The following FBXL13 variants were observed in gnomAD, a reference collection of about 807,000 sequenced individuals.
The protein encoded by FBXL13 is F-box and leucine-rich repeat protein 13.
A neutral mutation model predicts 83.6 loss-of-function variants in FBXL13; 67 were observed. The observed-to-expected ratio is 0.80, with a 90% CI of 0.66 to 0.98. The LOEUF (loss-of-function observed/expected upper bound fraction) is 0.98. FBXL13 is among the 50% of genes least tolerant of loss of function. The pLI is 0.00. For missense variants in FBXL13, 822 were observed against 866.5 expected (o/e 0.95, Z 0.64); for synonymous variants, 272 against 299.5 (o/e 0.91, Z 0.95).
In FBXL13 at chr7:103,064,216, T is replaced by A. The variant is rs926986472; in HGVS notation, c.-104-8469A>T. Among the ~76,000 whole-genome samples, 5 of 152,194 alleles carry A rather than the reference T, an allele frequency of 3.3e-5. No homozygotes were observed. In the South Asian group the frequency reaches 1.0e-3, roughly 32 times the overall value. ...TTGGATTACATATTGCCCTCCCCCA[T>A]GACCCTATACCTTCTGCCTCCCTGT... On this transcript the variant is annotated intron_variant, in intron 1 of 19. Coordinates refer to ENST00000313221, the Ensembl canonical transcript of FBXL13.
At chr7:102,854,297 C>T (rs1352026391) in intron 17 of FBXL13, among the ~76,000 whole-genome samples, 1 of 151,942 alleles carries the variant, frequency 6.6e-6, no homozygotes, top group African/African-American at 2.4e-5. Flanking sequence ...CGCATATTCT[C>T]ACTCATAGGT....
chr7:102,950,738 G>A (rs980486695), intron 8 of FBXL13, among the ~76,000 whole-genome samples: 7 of 152,128 alleles, frequency 4.6e-5, no homozygotes, highest in Non-Finnish European at 7.3e-5. Flanking sequence ...ATTAATAAGT[G>A]AAGGAAGCCC....
intron 16 of FBXL13, among the ~76,000 whole-genome samples, chr7:102,864,071 C>G (rs370752971): frequency 6.6e-6 from 1 of 152,220 alleles, no homozygotes; most frequent in East Asian, 1.9e-4. Context: ...CTGTCCTGCT[C>G]TCCTACTCAG....
At chr7:102,963,428 C>G (rs879518575) in intron 8 of FBXL13, 105 bp downstream of exon 9, 3 of 1,373,138 alleles carry the variant, frequency 2.2e-6, no homozygotes, top group Non-Finnish European at 3.0e-6. Flanking sequence ...ATCCTTATGA[C>G]CTAAAACTGT....
intron 2 of FBXL13, 87 bp from the exon 4 acceptor site, chr7:103,029,505 AG>A (rs2129488773): frequency 1.5e-6 from 1 of 676,278 alleles, no homozygotes; most frequent in East Asian, 3.5e-5. Flanking sequence ...AGAAAAAGAG[AG>A]CAATGGATGC....
intron 6 of FBXL13, among the ~76,000 whole-genome samples, chr7:102,981,575 T>C (rs1391000776): frequency 6.6e-6 from 1 of 152,198 alleles, no homozygotes; most frequent in Non-Finnish European, 1.5e-5. Flanking sequence ...CTGAGTAACT[T>C]ATAAACAAGA....
intron 16 of FBXL13, among the ~76,000 whole-genome samples, chr7:102,874,779 C>T (rs1808994986): frequency 6.6e-6 from 1 of 152,132 alleles, no homozygotes; most frequent in South Asian, 2.1e-4. Context: ...GTTACCCAGG[C>T]TGGTCTCAAA....
chr7:102,919,422 C>A (rs1355953681), intron 10 of FBXL13, among the ~76,000 whole-genome samples: 1 of 152,032 alleles, frequency 6.6e-6, no homozygotes, highest in African/African-American at 2.4e-5. Context: ...TGCATTGAAG[C>A]ATTAAGAATA....
chr7:102,895,151 TA>T (rs1168370202), intron 11 of FBXL13, among the ~76,000 whole-genome samples: 1 of 152,130 alleles, frequency 6.6e-6, no homozygotes, highest in Non-Finnish European at 1.5e-5. Context: ...AGTACAATGA[TA>T]AAAGTATACA....
At position 102,956,190 on chromosome 7, in the gene FBXL13, C is replaced by G. The variant is rs1009616246; in HGVS notation, c.724+7343G>C. Reference sequence around the variant, plus strand: ...CATCAAAAAGCTTATCCACCACAATCAAGTTGGCTTCATCCCTGGAATGCA... The same window carrying G: ...CATCAAAAAGCTTATCCACCACAATGAAGTTGGCTTCATCCCTGGAATGCA... On this transcript the variant is annotated intron_variant, in intron 8 of 19. Coordinates refer to ENST00000313221, the Ensembl canonical transcript of FBXL13. Among the ~76,000 whole-genome samples, 51 of 152,152 alleles carry G rather than the reference C, an allele frequency of 3.4e-4. 1 individual carries two copies. The highest frequency in any genetic ancestry group is 5.9e-5 in the Non-Finnish European group (4 of 68,024).
chr7:103,011,696 T>C lies in FBXL13; in HGVS notation c.495+13367A>G, dbSNP rs567764610. Among the ~76,000 whole-genome samples the C allele has an allele frequency of 5.4e-4, 80 of 146,968 alleles. 1 individual carries two copies. The South Asian group carries it at 0.016, about 29-fold the overall frequency. ...CTGATAGAGCTGAAAAACACAATAATGTACTTGTAAGTATTAACAGCAGAA... is the reference window on the plus strand; with the variant it reads ...CTGATAGAGCTGAAAAACACAATAACGTACTTGTAAGTATTAACAGCAGAA... On this transcript the variant is annotated intron_variant, in intron 6 of 19. Coordinates refer to ENST00000313221, the Ensembl canonical transcript of FBXL13.
chr7:102,867,725 C>CA (rs1807955241), intron 16 of FBXL13, among the ~76,000 whole-genome samples: 1 of 82,778 alleles, frequency 1.2e-5, no homozygotes, highest in East Asian at 4.0e-4. Context: ...TTTTTTGAGA[C>CA]AGAGTCTTGC....
At chr7:102,898,411 G>T (rs1245813378) in intron 11 of FBXL13, among the ~76,000 whole-genome samples, 4 of 151,996 alleles carry the variant, frequency 2.6e-5, no homozygotes, top group Non-Finnish European at 5.9e-5. Context: ...CGCAATCATG[G>T]CTCACCGCAG....
intron 1 of FBXL13, among the ~76,000 whole-genome samples, chr7:103,057,904 G>A (rs1436586096): frequency 2.0e-5 from 3 of 152,002 alleles, no homozygotes; most frequent in Non-Finnish European, 2.9e-5. Context: ...GTGCATGTTG[G>A]GGGTGGTCGG....
At chr7:102,976,662 C>T (rs1409948604) in intron 6 of FBXL13, among the ~76,000 whole-genome samples, 2 of 152,110 alleles carry the variant, frequency 1.3e-5, no homozygotes, top group Non-Finnish European at 2.9e-5. Context: ...GTCCACATTA[C>T]CCTTAAAGAG....
chr7:102,818,116 C>CA (rs1475821905), intron 19 of FBXL13, among the ~76,000 whole-genome samples: 5 of 151,912 alleles, frequency 3.3e-5, no homozygotes, highest in Non-Finnish European at 7.4e-5. Context: ...CTTGAGTAGG[C>CA]AAAAAAAGGG....
At chr7:102,977,376 A>G (rs1046454772) in intron 6 of FBXL13, among the ~76,000 whole-genome samples, 2 of 152,232 alleles carry the variant, frequency 1.3e-5, no homozygotes, top group Non-Finnish European at 2.9e-5. Flanking sequence ...AGTCTGTGGT[A>G]ACTTTAATGT....
At chr7:102,866,964 C>T (rs1807737283) in intron 16 of FBXL13, among the ~76,000 whole-genome samples, 1 of 152,168 alleles carries the variant, frequency 6.6e-6, no homozygotes, top group Non-Finnish European at 1.5e-5. Flanking sequence ...CTGATTGCTT[C>T]AGTAGAGACA....
At position 102,814,094 on chromosome 7, in the gene FBXL13, GTCTT is replaced by G. The variant is rs569520730; in HGVS notation, c.2019-567_2019-564del. On this transcript the variant is annotated intron_variant, in intron 19 of 19. Transcript: ENST00000313221. ...CACAGTATTAAAAAATACTGTTATA[GTCTT>G]TCTTAGCAGGAAACAAGAAAGTAAA... Among the ~76,000 whole-genome samples the G allele has an allele frequency of 1.6e-3, 249 of 152,272 alleles. 1 individual carries two copies. Among genetic ancestry groups the G allele is most frequent in the African/African-American group, 5.5e-3 (229 of 41,572 alleles).
Sources: allele counts gnomAD v4.1 joint callset (sites outside exome capture counted in the v4.1 genomes callset), GRCh38; gene constraint gnomAD v4.1.1; transcripts MANE v1.5; gene names NCBI Gene and HGNC (gene_info 2026-07-23, HGNC 2026-07-21).